FRMPD1: variants seen among roughly 807,000 people sequenced by gnomAD.
FRMPD1 encodes FERM and PDZ domain containing 1.
A neutral mutation model predicts 117.8 loss-of-function variants in FRMPD1; 76 were observed. The observed-to-expected ratio is 0.65, with a 90% CI of 0.54 to 0.78. FRMPD1 has a LOEUF of 0.78. Among genes scored for constraint, FRMPD1 ranks in the 30% least tolerant of loss-of-function variants. The pLI is 0.00. For missense variants in FRMPD1, 1,786 were observed against 1,964.5 expected (o/e 0.91, Z 1.72); for synonymous variants, 783 against 770.4 (o/e 1.02, Z -0.27).
In FRMPD1 at chr9:37,735,688, A is replaced by G. The variant is rs967020714; in HGVS notation, c.1355A>G (p.Glu452Gly). The change falls in exon 13 of 16, where the codon GAG becomes GGG. Residue 452 changes from glutamate to glycine, a missense_variant. Glu to Gly is a moderately conservative substitution (Grantham distance 98). Transcript: ENST00000377765. Reference sequence around the variant, plus strand: ...ATCAGCCGTGTAGAGCTAACGGAAGAGTCTGAGAAAGTGAGCGTCGTCAAA... The same window carrying G: ...ATCAGCCGTGTAGAGCTAACGGAAGGGTCTGAGAAAGTGAGCGTCGTCAAA... ...ANISRVELTE[E>G]SEKVSVVKVY... The G allele has an allele frequency of 1.9e-6, 3 of 1,613,718 alleles. No homozygotes were observed. The highest frequency in any genetic ancestry group is 1.3e-5 in the African/African-American group (1 of 74,858).
chr9:37,721,281 C>G (rs1823388659), intron 6 of FRMPD1, among the ~76,000 whole-genome samples: 2 of 152,216 alleles, frequency 1.3e-5, no homozygotes. Flanking sequence ...TGTGACCTGT[C>G]TATTCATCCT....
chr9:37,625,084 T>C, the FRMPD1 span, among the ~76,000 whole-genome samples: 1 of 152,240 alleles, frequency 6.6e-6, no homozygotes, highest in Non-Finnish European at 1.5e-5. Context: ...ACATCATTAG[T>C]AGCTTTGACT....
chr9:37,716,459 G>GT (rs1222916350), intron 5 of FRMPD1, among the ~76,000 whole-genome samples: 1 of 152,174 alleles, frequency 6.6e-6, no homozygotes, highest in Admixed American at 6.5e-5. Context: ...ATTTTCCAAT[G>GT]ACTTCCTGTC....
intron 1 of FRMPD1, among the ~76,000 whole-genome samples, chr9:37,672,456 T>G (rs1244863125): frequency 6.6e-6 from 1 of 152,202 alleles, no homozygotes; most frequent in East Asian, 1.9e-4. Context: ...CAGGTACCAC[T>G]TACGAAGGGC....
intron 2 of FRMPD1, among the ~76,000 whole-genome samples, chr9:37,706,431 T>TAA (rs1307221783): frequency 6.6e-6 from 1 of 152,186 alleles, no homozygotes; most frequent in Non-Finnish European, 1.5e-5. Flanking sequence ...TGATAGACCT[T>TAA]AACCGCAGAG....
At chr9:37,615,400 T>C in the FRMPD1 span, among the ~76,000 whole-genome samples, 1 of 152,140 alleles carries the variant, frequency 6.6e-6, no homozygotes, top group Non-Finnish European at 1.5e-5. Context: ...CATGAGCCAC[T>C]GCACCGGTCT....
In FRMPD1 at chr9:37,746,021, G is replaced by A; in HGVS notation, c.3989G>A (p.Gly1330Glu). The change falls in exon 16 of 16, where the codon GGG (glycine) becomes GAG (glutamate). Residue 1330 changes from glycine (G) to glutamate (E), a missense_variant. Transcript: ENST00000377765. ...AATGAGATGGTGGCTCCCAGGATAG[G>A]GATGGACCAGTGCAGCTGTCAGTTC... ...GMNEMVAPRI[G>E]MDQCSCQFSY... The A allele has an allele frequency of 6.2e-7, 1 of 1,614,222 alleles. No homozygotes were observed. The highest frequency in any genetic ancestry group is 8.5e-7 in the Non-Finnish European group (1 of 1,180,034).
intron 1 of FRMPD1, among the ~76,000 whole-genome samples, chr9:37,666,615 G>A (rs1007097367): frequency 1.3e-5 from 2 of 152,074 alleles, no homozygotes; most frequent in African/African-American, 4.8e-5. Flanking sequence ...TTCCCTGATA[G>A]CTCACTCTAC....
upstream of FRMPD1, among the ~76,000 whole-genome samples, chr9:37,648,080 A>C (rs985173294): frequency 1.3e-5 from 2 of 152,190 alleles, no homozygotes; most frequent in African/African-American, 4.8e-5. Flanking sequence ...CTAGCAAGTA[A>C]TGAATGCTGT....
chr9:37,696,490 A>G (rs910928776), intron 2 of FRMPD1, among the ~76,000 whole-genome samples: 2 of 152,186 alleles, frequency 1.3e-5, no homozygotes, highest in Non-Finnish European at 2.9e-5. Context: ...AAGGGCTTTT[A>G]TAGTAGGGGA....
chr9:37,740,981 G>A lies in FRMPD1; in HGVS notation c.2356+97G>A, dbSNP rs569193724. On this transcript the variant is annotated intron_variant, in intron 15 of 15. Coordinates refer to ENST00000377765, the MANE Select transcript of FRMPD1 (RefSeq NM_014907.3). The surrounding 1 kb of genome is among the most constrained non-coding windows in gnomAD (Gnocchi z 4.2). The stretch of plus-strand genomic sequence containing the variant: ...GGCCAAGCTTGAGAGGAAGGCACAT[G>A]AGTGAAACAGGGTCCCTGTACACTT... The A allele has an allele frequency of 1.1e-6, 1 of 896,732 alleles. No homozygotes were observed. 55.5% of individuals were successfully genotyped at this position (896,732 alleles called of 1,614,324 possible).
the FRMPD1 span, among the ~76,000 whole-genome samples, chr9:37,642,558 G>A: frequency 5.9e-5 from 9 of 152,224 alleles, no homozygotes; most frequent in South Asian, 4.1e-4. Flanking sequence ...GAGATAAACC[G>A]CTTAGAACAG....
chr9:37,683,356 T>C (rs947670770), intron 1 of FRMPD1, among the ~76,000 whole-genome samples: 1 of 152,254 alleles, frequency 6.6e-6, no homozygotes, highest in East Asian at 1.9e-4. Context: ...CGTAGAACTT[T>C]ATAGTTTTCA....
intron 2 of FRMPD1, among the ~76,000 whole-genome samples, chr9:37,706,218 A>G (rs1822700646): frequency 6.6e-6 from 1 of 151,418 alleles, no homozygotes; most frequent in African/African-American, 2.4e-5. Context: ...CCTGGGGGGG[A>G]TCCTTGGTGG....
chr9:37,688,975 A>G (rs1467673963), intron 1 of FRMPD1, among the ~76,000 whole-genome samples: 1 of 152,054 alleles, frequency 6.6e-6, no homozygotes, highest in Admixed American at 6.5e-5. Flanking sequence ...AAATCATTTA[A>G]TAAAATAGTA....
chr9:37,690,720 T>C (rs1822102324), intron 1 of FRMPD1, among the ~76,000 whole-genome samples: 1 of 152,250 alleles, frequency 6.6e-6, no homozygotes, highest in Non-Finnish European at 1.5e-5. Context: ...TAGTCTGTTT[T>C]GTGTTGCTAT....
At chr9:37,684,756 AT>A (rs951565139) in intron 1 of FRMPD1, among the ~76,000 whole-genome samples, 9 of 151,526 alleles carry the variant, frequency 5.9e-5, no homozygotes, top group Middle Eastern at 3.4e-3. Flanking sequence ...TGATTCCCCA[AT>A]TTTTTTTTAT....
upstream of FRMPD1, among the ~76,000 whole-genome samples, chr9:37,647,744 A>G (rs875780): frequency 0.24 from 36,709 of 152,114 alleles, 4,667 homozygotes; most frequent in Middle Eastern, 0.29. Flanking sequence ...TGTATGCTGT[A>G]CATAAGTACA....
chr9:37,697,017 C>T (rs1232647998), intron 2 of FRMPD1, among the ~76,000 whole-genome samples: 3 of 152,170 alleles, frequency 2.0e-5, no homozygotes, highest in African/African-American at 7.2e-5. Context: ...TATAGAGAAT[C>T]TTAAACAGGT....
Sources: allele counts gnomAD v4.1 joint callset (sites outside exome capture counted in the v4.1 genomes callset), GRCh38; gene constraint gnomAD v4.1.1; non-coding constraint Gnocchi (gnomAD v3.1); transcripts MANE v1.5; gene names NCBI Gene and HGNC (gene_info 2026-07-23, HGNC 2026-07-21).